The following ABCC6 variants were observed in gnomAD, a reference collection of about 807,000 sequenced individuals.
The protein encoded by ABCC6 is ATP-binding cassette sub-family C member 6.
A neutral mutation model predicts 169.5 loss-of-function variants in ABCC6; 126 were observed. That is an observed-to-expected ratio of 0.74 (90% CI 0.64 to 0.86). The LOEUF (loss-of-function observed/expected upper bound fraction) is 0.86, where lower values mean the gene tolerates loss of function less well. Ranked by LOEUF, ABCC6 falls within the 40% of genes least tolerant of loss-of-function variation. The pLI, the probability that ABCC6 is intolerant of heterozygous loss-of-function variation, is 0.00. For synonymous variants in ABCC6, 752 were observed against 814.7 expected (o/e 0.92, Z 1.31); for missense variants, 1,733 against 1,927.2 (o/e 0.90, Z 1.89).
chr16:16,175,566 A>G (rs212620), intron 20 of ABCC6, among the ~76,000 whole-genome samples: 61,907 of 152,042 alleles, frequency 0.41, 13,204 homozygotes, highest in South Asian at 0.67. Context: ...ATAAGTGGCC[A>G]GGCCTGGCAT....
chr16:16,217,223 T>C (rs2141212093), intron 4 of ABCC6, among the ~76,000 whole-genome samples: 1 of 152,298 alleles, frequency 6.6e-6, no homozygotes. Flanking sequence ...TAGCAGACAA[T>C]TGGATATTCC....
chr16:16,184,435 C>T (rs2047580868), intron 15 of ABCC6, among the ~76,000 whole-genome samples: 1 of 152,112 alleles, frequency 6.6e-6, no homozygotes, highest in African/African-American at 2.4e-5. Flanking sequence ...GTGGCCCATA[C>T]CTAGTGCTCT....
intron 10 of ABCC6, among the ~76,000 whole-genome samples, chr16:16,196,103 A>G (rs987054126): frequency 6.6e-5 from 10 of 151,530 alleles, no homozygotes; most frequent in South Asian, 4.2e-4. Context: ...CCAGCTACTC[A>G]GGAGGCTGAG....
At chr16:16,160,876 A>G (rs199606169) in intron 25 of ABCC6, among the ~76,000 whole-genome samples, 3 of 152,124 alleles carry the variant, frequency 2.0e-5, no homozygotes, top group Non-Finnish European at 4.4e-5. Context: ...CCTCCATAAC[A>G]AATGCTTATG....
At chr16:16,185,171 G>C (rs1222033918) in intron 14 of ABCC6, 137 bp from the exon 15 acceptor site, 1 of 809,064 alleles carries the variant, frequency 1.2e-6, no homozygotes, top group Non-Finnish European at 2.1e-6. Context: ...TGAACAAATT[G>C]CCCTGCTACT....
At chr16:16,168,311 C>T (rs1051678856) in intron 22 of ABCC6, among the ~76,000 whole-genome samples, 2 of 150,258 alleles carry the variant, frequency 1.3e-5, no homozygotes, top group Admixed American at 6.6e-5. Context: ...GGCAACACGG[C>T]GAAACCGTCT....
At chr16:16,172,150 T>G (rs1433420468) in intron 21 of ABCC6, among the ~76,000 whole-genome samples, 3 of 92,530 alleles carry the variant, frequency 3.2e-5, no homozygotes, top group African/African-American at 8.5e-5. Context: ...CATAAATGAG[T>G]GAGTGGGATG....
intron 5 of ABCC6, among the ~76,000 whole-genome samples, chr16:16,213,061 C>T (rs2048694447): frequency 6.6e-6 from 1 of 150,686 alleles, no homozygotes; most frequent in Admixed American, 6.6e-5. Context: ...ATAGTTTTAA[C>T]TATTCTCAAG....
rs2047311502 is a variant in ABCC6, at chr16:16,177,400, C to A, written c.2590+52G>T. 6 of 1,608,240 alleles carry A rather than the reference C, an allele frequency of 3.7e-6. No homozygotes were observed. The Admixed American group carries it at 1.0e-4, about 27-fold the overall frequency. On this transcript the variant is annotated intron_variant, in intron 19 of 30. Transcript: ENST00000205557. ...CAGTAGGACCCTTCGAGCCTTTTCC[C>A]CCAAGGGTGGCAGGAGCCAGGCCTG...
At chr16:16,166,698 G>A (rs765608272) in intron 22 of ABCC6, among the ~76,000 whole-genome samples, 3 of 151,910 alleles carry the variant, frequency 2.0e-5, no homozygotes, top group Non-Finnish European at 2.9e-5. Flanking sequence ...TGAGCAACAC[G>A]GTGAAACCCT....
At chr16:16,186,548 C>T (rs7191300) in intron 14 of ABCC6, among the ~76,000 whole-genome samples, 65,431 of 150,424 alleles carry the variant, frequency 0.43, 14,830 homozygotes, top group Non-Finnish European at 0.5. Context: ...CAAAGGAGCA[C>T]GAACACTTGT....
rs769979506 is a variant in ABCC6, at chr16:16,188,946, G to C, written c.1664C>G (p.Thr555Ser). The change falls in exon 13 of 31, where the codon ACT becomes AGT. Residue 555 changes from threonine (T) to serine (S), a missense_variant. Physicochemically the swap from Thr to Ser is moderately conservative, Grantham distance 58. This residue lies in a region of ABCC6 where 1,601 missense variants were observed against 1,635.5 expected (regional missense o/e 0.98). Coordinates refer to ENST00000205557, the MANE Select transcript of ABCC6 (RefSeq NM_001171.6). ...ATTCATAGCATTCTCGGCCACCAGA[G>C]TGTGGACAGCAAACACCACCAGTGC... ...LVALVVFAVHTLVAENAMNAE... is the reference protein window; with the variant it reads ...LVALVVFAVHSLVAENAMNAE... The C allele has an allele frequency of 1.2e-6, 2 of 1,614,120 alleles. No individual in the cohort carries two copies. The highest frequency in any genetic ancestry group is 1.7e-6 in the Non-Finnish European group (2 of 1,180,034).
Position 16,175,164 on chromosome 16 carries a change from G to C in ABCC6, c.2666+747C>G, listed in dbSNP as rs2047236567. ...TTCTTGTGCGCTGTGAAGGTGGTGG[G>C]ATTTCTCAGTGTGTGTGTGATTGAG... is the stretch of plus-strand genomic sequence containing the variant. On this transcript the variant is annotated intron_variant, in intron 20 of 30. Coordinates refer to ENST00000205557, the MANE Select transcript of ABCC6 (RefSeq NM_001171.6). 2.0e-5 allele frequency among the ~76,000 whole-genome samples: 3 copies of C among 152,118 alleles called. No homozygotes were observed. The South Asian group carries it at 6.2e-4, about 32-fold the overall frequency.
chr16:16,190,444 C>A, intron 11 of ABCC6, 77 bp from the exon 12 acceptor site: 1 of 1,512,466 alleles, frequency 6.6e-7, no homozygotes, highest in Admixed American at 1.7e-5. Context: ...AGCCACCCTT[C>A]AGCAAATCCC....
chr16:16,177,530 G>A lies in ABCC6; in HGVS notation c.2512C>T (p.Gln838Ter), dbSNP rs756709738. 6.2e-7 allele frequency: 1 copy of A among 1,614,014 alleles called. No individual in the cohort carries two copies. The change falls in exon 19 of 31, where the codon CAG becomes TAG. Residue 838 changes from glutamine (Q) to a stop codon, truncating the protein, a stop_gained. Transcript: ENST00000205557. LOFTEE classifies it high-confidence loss of function. ...NGAIAEMGSY[Q>*]ELLQRKGALM... ...GCCCCCTTCCTCTGCAGAAGCTCCT[G>A]GTAGGAACCCATCTCTGCGATGGCC...
In ABCC6 at chr16:16,221,076, C is replaced by T. The variant is rs887803255; in HGVS notation, c.219+573G>A. 3.8e-5 allele frequency: 27 copies of T among 708,274 alleles called. No homozygotes were observed. In the Admixed American group the frequency reaches 3.9e-4, roughly 10 times the overall value. The allele number at this position is 708,274 out of a possible 1,614,324, so 43.9% of individuals were successfully genotyped here. On this transcript the variant is annotated intron_variant, in intron 2 of 30. Transcript: ENST00000205557. ...AGTTTGCCAACCCCTGGGTTGGTGG[C>T]GGGTGATAATGTAAAAATTAATACA...
intron 10 of ABCC6, among the ~76,000 whole-genome samples, chr16:16,193,782 C>T (rs138760312): frequency 0.035 from 5,336 of 152,268 alleles, 131 homozygotes; most frequent in Non-Finnish European, 0.051. Flanking sequence ...TGCACGAGAT[C>T]CAAGAACCCT....
intron 7 of ABCC6, among the ~76,000 whole-genome samples, chr16:16,204,407 C>T (rs939400292): frequency 1.3e-5 from 2 of 152,124 alleles, no homozygotes; most frequent in Non-Finnish European, 2.9e-5. Context: ...AAGAACAGCA[C>T]CCCGTCCCCA....
At chr16:16,190,427 C>T in intron 11 of ABCC6, 60 bp from the exon 12 acceptor site, 4 of 1,573,786 alleles carry the variant, frequency 2.5e-6, no homozygotes, top group African/African-American at 1.3e-5. Context: ...CTTCCCTGCA[C>T]CCTGACAGCC....
Sources: gnomAD v4.1 joint callset for allele counts (sites outside exome capture counted in the v4.1 genomes callset) on GRCh38, gnomAD v4.1.1 for gene constraint, gnomAD v4.1.1 regional missense constraint, MANE v1.5 for transcripts, NCBI Gene and HGNC (gene_info 2026-07-23, HGNC 2026-07-21) for gene names.